LPXN: variants seen among roughly 807,000 people sequenced by gnomAD.
The protein encoded by LPXN is leupaxin.
In LPXN, 28 loss-of-function variants were observed where a neutral mutation model predicts 45.6. That is an observed-to-expected ratio of 0.61 (90% CI 0.45 to 0.84). LPXN has a LOEUF of 0.84. Ranked by LOEUF, LPXN falls within the 40% of genes least tolerant of loss-of-function variation. The pLI is 0.00. For synonymous variants in LPXN, 166 were observed against 169.9 expected, an observed-to-expected ratio of 0.98 and a Z score of 0.18; for missense variants, 459 against 475.0, an observed-to-expected ratio of 0.97 and a Z score of 0.31.
At position 58,527,421 on chromosome 11, in the gene LPXN, A is replaced by G. The variant is rs1244940228; in HGVS notation, c.*33T>C. The G allele has an allele frequency of 1.2e-6, 2 of 1,604,272 alleles. No individual in the cohort carries two copies. The highest frequency in any genetic ancestry group is 8.5e-7 in the Non-Finnish European group (1 of 1,172,480). On this transcript the variant is annotated 3_prime_UTR_variant, in exon 9 of 9. Coordinates refer to ENST00000395074, the MANE Select transcript of LPXN (RefSeq NM_004811.3). Reference sequence around the variant, plus strand: ...TCTCCTCTCTTGGTTTAAATTTTATAAGGAATCTGAAGAGGCTATGGATCA... The same window carrying G: ...TCTCCTCTCTTGGTTTAAATTTTATGAGGAATCTGAAGAGGCTATGGATCA...
chr11:58,553,496 T>C (rs1590559565), intron 4 of LPXN, among the ~76,000 whole-genome samples: 1 of 152,194 alleles, frequency 6.6e-6, no homozygotes, highest in African/African-American at 2.4e-5. Flanking sequence ...CCCAGCTTTA[T>C]TGTAGACACT....
intron 3 of LPXN, among the ~76,000 whole-genome samples, chr11:58,558,555 A>G (rs2120353750): frequency 6.6e-6 from 1 of 150,894 alleles, no homozygotes; most frequent in East Asian, 1.9e-4. Flanking sequence ...AAAAAAAAAA[A>G]AAAAAAAAAG....
At position 58,549,785 on chromosome 11, in the gene LPXN, C is replaced by A; in HGVS notation, c.742+1G>T. 6.2e-7 allele frequency: 1 copy of A among 1,614,002 alleles called. No individual in the cohort carries two copies. Among genetic ancestry groups the A allele is most frequent in the Non-Finnish European group, 8.5e-7 (1 of 1,179,940 alleles). ...ATACAGCCTCTCAAGTCGGGTCATACCTTCTGCACCAAACACCTCTCCGCA... is the reference window on the plus strand; with the variant it reads ...ATACAGCCTCTCAAGTCGGGTCATAACTTCTGCACCAAACACCTCTCCGCA... On this transcript the variant is annotated splice_donor_variant, in intron 7 of 8. Coordinates refer to ENST00000395074, the MANE Select transcript of LPXN (RefSeq NM_004811.3). LOFTEE classifies it high-confidence loss of function.
At chr11:58,542,761 A>G (rs1853768306) in intron 7 of LPXN, among the ~76,000 whole-genome samples, 1 of 152,146 alleles carries the variant, frequency 6.6e-6, no homozygotes, top group African/African-American at 2.4e-5. Context: ...ACATGGAGAA[A>G]TGCTTAAGTA....
chr11:58,562,892 G>A, intron 3 of LPXN, among the ~76,000 whole-genome samples: 1 of 152,122 alleles, frequency 6.6e-6, no homozygotes, highest in East Asian at 1.9e-4. Flanking sequence ...AAGACAGTGA[G>A]GACCAACTGA....
rs777490194 is a variant in LPXN, at chr11:58,554,804, C to T, written c.318+37G>A. On this transcript the variant is annotated intron_variant, in intron 4 of 8. Coordinates refer to ENST00000395074, the MANE Select transcript of LPXN (RefSeq NM_004811.3). ...GGCCCTGTTTATCATCTGGACTGCACTCACCTTGGCCTGCACTCACCTTGG... is the reference window on the plus strand; with the variant it reads ...GGCCCTGTTTATCATCTGGACTGCATTCACCTTGGCCTGCACTCACCTTGG... The T allele has an allele frequency of 3.3e-6, 5 of 1,536,410 alleles. No individual in the cohort carries two copies. In the South Asian group the frequency reaches 4.5e-5, roughly 14 times the overall value.
At chr11:58,564,878 C>T (rs1854482526) in intron 2 of LPXN, among the ~76,000 whole-genome samples, 1 of 151,992 alleles carries the variant, frequency 6.6e-6, no homozygotes, top group Non-Finnish European at 1.5e-5. Flanking sequence ...TGAGCAAGGA[C>T]TTATATAGGA....
upstream of LPXN, among the ~76,000 whole-genome samples, chr11:58,576,614 C>T (rs888460954): frequency 3.3e-5 from 5 of 152,184 alleles, no homozygotes; most frequent in Admixed American, 2.6e-4. Context: ...AAAAGCAATA[C>T]GTAAGGAACT....
intron 7 of LPXN, among the ~76,000 whole-genome samples, chr11:58,545,939 C>T (rs1029592189): frequency 1.3e-5 from 2 of 152,076 alleles, no homozygotes; most frequent in African/African-American, 4.8e-5. Flanking sequence ...TAACCATATA[C>T]ATAATAATAT....
intron 4 of LPXN, 70 bp downstream of exon 4, chr11:58,554,771 A>T: frequency 9.0e-7 from 1 of 1,106,176 alleles, no homozygotes; most frequent in Non-Finnish European, 1.3e-6. Flanking sequence ...TAAACTGGTG[A>T]CCCCATGGGC....
At chr11:58,544,435 G>A (rs953169006) in intron 7 of LPXN, among the ~76,000 whole-genome samples, 2 of 152,136 alleles carry the variant, frequency 1.3e-5, no homozygotes, top group Non-Finnish European at 2.9e-5. Context: ...AACTGAGCTT[G>A]CCTATAGGTA....
intron 7 of LPXN, among the ~76,000 whole-genome samples, chr11:58,544,802 G>A (rs1174097376): frequency 6.6e-6 from 1 of 152,138 alleles, no homozygotes; most frequent in Non-Finnish European, 1.5e-5. Context: ...AAATTAGGGA[G>A]CACCTGCATG....
intron 7 of LPXN, among the ~76,000 whole-genome samples, chr11:58,533,464 C>G (rs1369231915): frequency 6.6e-6 from 1 of 152,174 alleles, no homozygotes; most frequent in Admixed American, 6.5e-5. Context: ...TACAGACAAG[C>G]AAATGCTGAG....
intron 1 of LPXN, 91 bp from the exon 2 acceptor site, chr11:58,570,804 C>G (rs895864722): frequency 3.3e-6 from 3 of 902,586 alleles, no homozygotes; most frequent in African/African-American, 3.3e-5. Flanking sequence ...TGCCCACATT[C>G]ATCTCCTTTT....
At chr11:58,555,872 G>T (rs558562418) in intron 3 of LPXN, among the ~76,000 whole-genome samples, 67 of 151,918 alleles carry the variant, frequency 4.4e-4, no homozygotes, top group South Asian at 8.3e-4. Flanking sequence ...AAGTGAGAAA[G>T]ATCAGAAATA....
intron 2 of LPXN, 64 bp downstream of exon 2, chr11:58,570,491 TC>T: frequency 8.2e-7 from 1 of 1,217,732 alleles, no homozygotes; most frequent in Non-Finnish European, 1.2e-6. Context: ...TATGTGGGAT[TC>T]TGTTAATTTT....
intron 7 of LPXN, among the ~76,000 whole-genome samples, chr11:58,543,592 C>A (rs986221347): frequency 6.6e-6 from 1 of 152,074 alleles, no homozygotes; most frequent in African/African-American, 2.4e-5. Context: ...TTAACAAATG[C>A]AAAAAGACAG....
chr11:58,571,561 G>A, intron 1 of LPXN, among the ~76,000 whole-genome samples: 1 of 151,566 alleles, frequency 6.6e-6, no homozygotes, highest in Non-Finnish European at 1.5e-5. Flanking sequence ...CTTTTAGGGT[G>A]TGGAGAGAAA....
chr11:58,564,729 C>T (rs1854477947), intron 2 of LPXN, among the ~76,000 whole-genome samples: 1 of 152,138 alleles, frequency 6.6e-6, no homozygotes, highest in Non-Finnish European at 1.5e-5. Flanking sequence ...AGCCCTGAAG[C>T]TTACATTCTG....
Sources: allele counts gnomAD v4.1 joint callset (sites outside exome capture counted in the v4.1 genomes callset), GRCh38; gene constraint gnomAD v4.1.1; transcripts MANE v1.5; gene names NCBI Gene and HGNC (gene_info 2026-07-23, HGNC 2026-07-21).